The following MCU variants were observed in gnomAD, a reference collection of about 807,000 sequenced individuals.
MCU encodes calcium uniporter protein, mitochondrial.
In MCU, 12 loss-of-function variants were observed where a neutral mutation model predicts 45.2. The observed-to-expected ratio is 0.27, with a 90% CI of 0.17 to 0.43. MCU has a LOEUF of 0.43. Ranked by LOEUF, MCU falls within the 20% of genes least tolerant of loss-of-function variation. MCU has a pLI of 1.00. For missense variants in MCU, 324 were observed against 436.7 expected (o/e 0.74, Z 2.30); for synonymous variants, 160 against 165.1 (o/e 0.97, Z 0.24).
At chr10:72,777,570 C>CT (rs1197226344) in intron 1 of MCU, among the ~76,000 whole-genome samples, 2 of 152,164 alleles carry the variant, frequency 1.3e-5, no homozygotes, top group East Asian at 3.8e-4. Context: ...AGCTTTAAAT[C>CT]TAAGACCTGG....
intron 2 of MCU, among the ~76,000 whole-genome samples, chr10:72,850,365 A>G (rs1845189977): frequency 6.6e-6 from 1 of 152,186 alleles, no homozygotes; most frequent in East Asian, 1.9e-4. Context: ...CATCCATCAT[A>G]TATAGTTCTA....
chr10:72,782,343 G>A (rs1174524671), intron 1 of MCU, among the ~76,000 whole-genome samples: 1 of 151,948 alleles, frequency 6.6e-6, no homozygotes, highest in South Asian at 2.1e-4. Context: ...TTTCTAACTC[G>A]TACATAATCC....
In MCU at chr10:72,871,473, C is replaced by A; in HGVS notation, c.754C>A (p.Arg252=). Residue 252 remains arginine (R), a synonymous_variant, in exon 6 of 8, where the codon CGG becomes AGG. Transcript: ENST00000373053. ...YMATQFGILA[R]LTWWEYSWDI... ...GGCCACACAGTTTGGCATTTTGGCC[C>A]GGCTTACCTGGTGGGAATATTCCTG... The A allele has an allele frequency of 6.2e-7, 1 of 1,614,178 alleles. No individual in the cohort carries two copies. The highest frequency in any genetic ancestry group is 8.5e-7 in the Non-Finnish European group (1 of 1,180,030).
intron 2 of MCU, among the ~76,000 whole-genome samples, chr10:72,841,578 G>A (rs190688733): frequency 7.9e-5 from 12 of 152,246 alleles, no homozygotes; most frequent in African/African-American, 2.4e-4. Flanking sequence ...GATTACAGGC[G>A]TGAACCACCG....
intron 4 of MCU, among the ~76,000 whole-genome samples, chr10:72,864,306 G>A (rs1246680443): frequency 2.0e-5 from 3 of 152,072 alleles, no homozygotes; most frequent in African/African-American, 7.2e-5. Context: ...TCCACCATGG[G>A]ACCCATACGA....
At position 72,861,596 on chromosome 10, in the gene MCU, C is replaced by T. The variant is rs550959262; in HGVS notation, c.496+1069C>T. The T allele has an allele frequency of 1.2e-5, 4 of 346,222 alleles. No homozygotes were observed. In the Admixed American group the frequency reaches 1.7e-4, roughly 14 times the overall value. The allele number at this position is 346,222 out of a possible 1,614,324, so 21.4% of individuals were successfully genotyped here. A position where few individuals can be genotyped will look rare whatever the true frequency, so the allele number is the denominator to read the frequency against. ...TCTTGACCTCAGGTGATCCATCCACCTTGGCCTCCCAAAGTGCTGTGATTA... is the reference window on the plus strand; with the variant it reads ...TCTTGACCTCAGGTGATCCATCCACTTTGGCCTCCCAAAGTGCTGTGATTA... On this transcript the variant is annotated intron_variant, in intron 4 of 7. Transcript: ENST00000373053.
At chr10:72,845,449 A>G (rs1259564999) in intron 2 of MCU, among the ~76,000 whole-genome samples, 2 of 152,338 alleles carry the variant, frequency 1.3e-5, no homozygotes, top group Non-Finnish European at 2.9e-5. Flanking sequence ...ACAATGTTTC[A>G]GTCAACAATG....
intron 6 of MCU, among the ~76,000 whole-genome samples, chr10:72,873,631 T>C (rs1845580101): frequency 6.6e-6 from 1 of 152,238 alleles, no homozygotes; most frequent in Non-Finnish European, 1.5e-5. Context: ...TCTGTCTATT[T>C]TGACTTGTGT....
intron 1 of MCU, chr10:72,692,908 T>C (rs1224020529): frequency 2.0e-6 from 3 of 1,493,280 alleles, no homozygotes; most frequent in African/African-American, 2.8e-5. Flanking sequence ...GGGAACCGGC[T>C]CCCTCGAGAT....
At chr10:72,792,343 A>G (rs1844174365) in intron 1 of MCU, among the ~76,000 whole-genome samples, 1 of 152,216 alleles carries the variant, frequency 6.6e-6, no homozygotes, top group Non-Finnish European at 1.5e-5. Flanking sequence ...TACAGATCAT[A>G]GGTAGAGTCA....
At chr10:72,846,898 T>C (rs1845131677) in intron 2 of MCU, among the ~76,000 whole-genome samples, 1 of 152,098 alleles carries the variant, frequency 6.6e-6, no homozygotes, top group Non-Finnish European at 1.5e-5. Flanking sequence ...TACCTAAAAG[T>C]AGGAGATCTT....
chr10:72,794,258 T>C (rs1844211096), intron 1 of MCU, among the ~76,000 whole-genome samples: 1 of 152,158 alleles, frequency 6.6e-6, no homozygotes, highest in Non-Finnish European at 1.5e-5. Flanking sequence ...ATACACAACA[T>C]ACAGTGGTGG....
At chr10:72,732,185 C>G (rs573793247) in intron 1 of MCU, among the ~76,000 whole-genome samples, 38 of 152,302 alleles carry the variant, frequency 2.5e-4, no homozygotes, top group Admixed American at 1.6e-3. Context: ...GCTTTGCTTT[C>G]TGTAATGACA....
intron 1 of MCU, among the ~76,000 whole-genome samples, chr10:72,727,282 G>A (rs543337277): frequency 6.6e-6 from 1 of 152,284 alleles, no homozygotes; most frequent in East Asian, 1.9e-4. Flanking sequence ...ACTCATTGAG[G>A]ATTAGTGTTC....
Position 72,747,483 on chromosome 10 carries a change from A to C in MCU, c.150+55182A>C, listed in dbSNP as rs185690801. On this transcript the variant is annotated intron_variant, in intron 1 of 7. Coordinates refer to ENST00000373053, the MANE Select transcript of MCU (RefSeq NM_138357.3). ...TTTTGTTGCTTTTGCACTTCGCTGC[A>C]GTGCCTGTTATGCCTGCTATTGGTA... Among the ~76,000 whole-genome samples the C allele has an allele frequency of 3.9e-5, 6 of 152,294 alleles. No homozygotes were observed. The East Asian group carries it at 1.2e-3, about 29-fold the overall frequency.
At chr10:72,742,521 A>T (rs1843349714) in intron 1 of MCU, among the ~76,000 whole-genome samples, 1 of 152,222 alleles carries the variant, frequency 6.6e-6, no homozygotes, top group Non-Finnish European at 1.5e-5. Context: ...TCAGAAATGA[A>T]TATGATTCTT....
chr10:72,803,464 G>A (rs1483066030), intron 1 of MCU, among the ~76,000 whole-genome samples: 3 of 151,908 alleles, frequency 2.0e-5, no homozygotes, highest in African/African-American at 7.3e-5. Flanking sequence ...TTGTTCTGCA[G>A]TAGTGTCCTC....
At chr10:72,875,158 G>A (rs1029637911) in intron 6 of MCU, among the ~76,000 whole-genome samples, 10 of 152,092 alleles carry the variant, frequency 6.6e-5, no homozygotes, top group Non-Finnish European at 2.9e-5. Flanking sequence ...GATTTGTGTG[G>A]CTCTGTAGGC....
chr10:72,744,976 A>G (rs933536346), intron 1 of MCU, among the ~76,000 whole-genome samples: 55 of 152,246 alleles, frequency 3.6e-4, no homozygotes, highest in African/African-American at 1.2e-3. Flanking sequence ...TCCCCTTAAC[A>G]TGATCTGCCC....
Sources: gnomAD v4.1 joint callset for allele counts (sites outside exome capture counted in the v4.1 genomes callset) on GRCh38, gnomAD v4.1.1 for gene constraint, MANE v1.5 for transcripts, NCBI Gene and HGNC (gene_info 2026-07-23, HGNC 2026-07-21) for gene names.